Variants in GNAQ observed in about 807,000 individuals in gnomAD.
GNAQ encodes the protein G protein subunit alpha q.
A neutral mutation model predicts 43.9 loss-of-function variants in GNAQ; 8 were observed. The ratio of observed to expected loss-of-function variants is 0.18; its 90% confidence interval spans 0.11 to 0.33. GNAQ has a LOEUF of 0.33. Ranked by LOEUF, GNAQ falls within the 10% of genes least tolerant of loss-of-function variation. GNAQ has a pLI of 1.00. For missense variants in GNAQ, 158 were observed against 450.8 expected (o/e 0.35, Z 5.88); for synonymous variants, 155 against 170.7 (o/e 0.91, Z 0.71).
intron 2 of GNAQ, among the ~76,000 whole-genome samples, chr9:77,890,541 T>C (rs367969385): frequency 6.6e-6 from 1 of 152,118 alleles, no homozygotes; most frequent in Non-Finnish European, 1.5e-5. Flanking sequence ...CTGACCAACA[T>C]GGAGAAACCC....
At chr9:77,984,779 G>C (rs1028280051) in intron 1 of GNAQ, among the ~76,000 whole-genome samples, 1 of 152,174 alleles carries the variant, frequency 6.6e-6, no homozygotes. Context: ...ACAATGCACA[G>C]AGCAGAGCCA....
intron 1 of GNAQ, among the ~76,000 whole-genome samples, chr9:77,943,947 G>A (rs530376989): frequency 2.0e-5 from 3 of 152,212 alleles, no homozygotes; most frequent in South Asian, 4.2e-4. Flanking sequence ...GATTACAGGC[G>A]TGAGACACAG....
chr9:77,770,678 A>T (rs1826210082), intron 5 of GNAQ, among the ~76,000 whole-genome samples: 1 of 152,198 alleles, frequency 6.6e-6, no homozygotes, highest in Non-Finnish European at 1.5e-5. Flanking sequence ...TCTTGGCTTA[A>T]CCAGTCCCAG....
intron 1 of GNAQ, among the ~76,000 whole-genome samples, chr9:77,924,478 T>C (rs553193315): frequency 5.8e-4 from 89 of 152,286 alleles, no homozygotes; most frequent in African/African-American, 2.1e-3. Context: ...TCCTAATTTG[T>C]GAGGTTAATA....
intron 1 of GNAQ, among the ~76,000 whole-genome samples, chr9:78,027,818 A>T (rs986535549): frequency 3.1e-4 from 47 of 152,248 alleles, no homozygotes; most frequent in African/African-American, 1.1e-3. Context: ...AATCAATTAA[A>T]GGGGTTTACT....
chr9:77,788,765 A>T (rs1826522564), intron 5 of GNAQ, among the ~76,000 whole-genome samples: 1 of 152,214 alleles, frequency 6.6e-6, no homozygotes. Flanking sequence ...CTTGTTTCAA[A>T]CTGTGTATTT....
chr9:77,943,368 TTGTAACAGATTTGCAAA>T lies in GNAQ; in HGVS notation c.137-21040_137-21024del. 3.9e-5 allele frequency among the ~76,000 whole-genome samples: 6 copies of T among 152,348 alleles called. No individual in the cohort carries two copies. In the East Asian group the frequency reaches 1.2e-3, roughly 29 times the overall value. ...GTGTCTTGAGAAAAGGAAAAATATG[TTGTAACAGATTTGCAAA>T]TGTAACATGACACGGGCAAGAACAC... On this transcript the variant is annotated intron_variant, in intron 1 of 6. Coordinates refer to ENST00000286548, the MANE Select transcript of GNAQ (RefSeq NM_002072.5).
chr9:77,902,949 C>A (rs565004676), intron 2 of GNAQ, among the ~76,000 whole-genome samples: 183 of 152,166 alleles, frequency 1.2e-3, no homozygotes, highest in Non-Finnish European at 2.4e-3. Context: ...TTGGGCCAGG[C>A]CTTAGTATCA....
chr9:77,734,452 C>G (rs1046038635), intron 5 of GNAQ, among the ~76,000 whole-genome samples: 1 of 152,056 alleles, frequency 6.6e-6, no homozygotes, highest in Non-Finnish European at 1.5e-5. Flanking sequence ...GCAAACAAGA[C>G]AGTTAAGAAA....
chr9:77,913,143 T>C (rs946258852), intron 2 of GNAQ, among the ~76,000 whole-genome samples: 1 of 152,112 alleles, frequency 6.6e-6, no homozygotes, highest in African/African-American at 2.4e-5. Flanking sequence ...TAAAACTGAT[T>C]ATATGCATAC....
chr9:77,830,935 ATT>A (rs1288134717), intron 2 of GNAQ, among the ~76,000 whole-genome samples: 31 of 152,222 alleles, frequency 2.0e-4, no homozygotes, highest in African/African-American at 7.5e-4. Context: ...TTTTTAACCC[ATT>A]TGTTAAACAT....
At chr9:77,902,765 A>C (rs1828634258) in intron 2 of GNAQ, among the ~76,000 whole-genome samples, 1 of 152,168 alleles carries the variant, frequency 6.6e-6, no homozygotes, top group African/African-American at 2.4e-5. Flanking sequence ...GCAAAATTTC[A>C]CCCAAGTTTG....
At chr9:77,728,803 A>C in intron 5 of GNAQ, 136 bp from the exon 6 acceptor site, 1 of 623,740 alleles carries the variant, frequency 1.6e-6, no homozygotes, top group East Asian at 2.7e-5. Context: ...TGGATTTGTC[A>C]GGATTTATAT....
rs10547681 is a variant in GNAQ at position 77,819,002 on chromosome 9, C to CAA, written c.322-3234_322-3233dup. On this transcript the variant is annotated intron_variant, in intron 2 of 6. Transcript: ENST00000286548. ...GTAACAGAGAGAAATACCATCTCTCCAAAAAAAAAAAAAAAAAAAAAAAAA... is the reference window on the plus strand; with the variant it reads ...GTAACAGAGAGAAATACCATCTCTCCAAAAAAAAAAAAAAAAAAAAAAAAAAA... Among the ~76,000 whole-genome samples, 330 of 45,302 alleles carry CAA rather than the reference C, an allele frequency of 7.3e-3. 46 individuals carry two copies. Among genetic ancestry groups the CAA allele is most frequent in the African/African-American group, 0.027 (254 of 9,338 alleles). 29.7% of individuals were successfully genotyped at this position (45,302 alleles called of 152,430 possible).
At chr9:77,933,025 G>A (rs1829174344) in intron 1 of GNAQ, among the ~76,000 whole-genome samples, 1 of 152,172 alleles carries the variant, frequency 6.6e-6, no homozygotes, top group African/African-American at 2.4e-5. Flanking sequence ...GAAGCCTGAA[G>A]AGGAAAGAGT....
At chr9:77,951,854 G>A (rs1427685712) in intron 1 of GNAQ, among the ~76,000 whole-genome samples, 2 of 152,178 alleles carry the variant, frequency 1.3e-5, no homozygotes, top group Non-Finnish European at 2.9e-5. Context: ...AAATAAGCTT[G>A]TTCAATATTC....
chr9:77,804,473 A>C (rs929049370), intron 3 of GNAQ, among the ~76,000 whole-genome samples: 1 of 152,184 alleles, frequency 6.6e-6, no homozygotes, highest in Non-Finnish European at 1.5e-5. Flanking sequence ...TTCAGGGTGT[A>C]ACCACTGCAC....
intron 2 of GNAQ, among the ~76,000 whole-genome samples, chr9:77,905,481 C>T (rs1052586705): frequency 1.8e-4 from 27 of 152,098 alleles, no homozygotes; most frequent in Non-Finnish European, 2.6e-4. Flanking sequence ...GAAATCTTTT[C>T]AGACTCTACA....
At chr9:77,894,678 C>G (rs897865605) in intron 2 of GNAQ, among the ~76,000 whole-genome samples, 1 of 151,508 alleles carries the variant, frequency 6.6e-6, no homozygotes, top group South Asian at 2.1e-4. Context: ...GCCTCAGCCT[C>G]CCAAAGTGCT....
Sources: allele counts gnomAD v4.1 joint callset (sites outside exome capture counted in the v4.1 genomes callset), GRCh38; gene constraint gnomAD v4.1.1; transcripts MANE v1.5; gene names NCBI Gene and HGNC (gene_info 2026-07-23, HGNC 2026-07-21).